ARFGEF2: variants seen among roughly 807,000 people sequenced by gnomAD.
ARFGEF2 encodes brefeldin A-inhibited guanine nucleotide-exchange protein 2.
In ARFGEF2, 74 loss-of-function variants were observed where a neutral mutation model predicts 219.9. The observed-to-expected ratio is 0.34, with a 90% CI of 0.28 to 0.41. ARFGEF2 has a LOEUF of 0.41. ARFGEF2 is among the 10% of genes least tolerant of loss of function. ARFGEF2 has a pLI of 1.00. For synonymous variants in ARFGEF2, 733 were observed against 799.2 expected (o/e 0.92, Z 1.40); for missense variants, 1,743 against 2,218.3 (o/e 0.79, Z 4.30).
chr20:49,023,524 TTTTTTTTTTTTTG>T (rs200669214), intron 35 of ARFGEF2, among the ~76,000 whole-genome samples: 54,270 of 107,686 alleles, frequency 0.5, 10,650 homozygotes, highest in African/African-American at 0.62. Context: ...TTTTTTCTGG[TTTTTTTTTTTTTG>T]TTTTTTTTTT....
chr20:49,005,691 T>C (rs989324965), intron 26 of ARFGEF2, among the ~76,000 whole-genome samples: 33 of 146,124 alleles, frequency 2.3e-4, no homozygotes, highest in African/African-American at 7.5e-4. Context: ...TGAGCCAAGA[T>C]TGCGCCACTG....
At position 48,988,263 on chromosome 20, in the gene ARFGEF2, G is replaced by A. The variant is rs373044990; in HGVS notation, c.2277-41G>A. ...CTGTTAGCATTGTACCTTCCAAACC[G>A]CATCACCATGAATATTGATGTCTCG... On this transcript the variant is annotated intron_variant, in intron 16 of 38. Coordinates refer to ENST00000371917, the MANE Select transcript of ARFGEF2 (RefSeq NM_006420.3). The A allele has an allele frequency of 7.1e-5, 101 of 1,432,422 alleles. No homozygotes were observed. In the South Asian group the frequency reaches 1.0e-3, roughly 14 times the overall value. The allele number at this position is 1,432,422 out of a possible 1,614,324, so 88.7% of individuals were successfully genotyped here.
intron 9 of ARFGEF2, among the ~76,000 whole-genome samples, chr20:48,970,081 A>G (rs6019565): frequency 0.32 from 48,551 of 151,812 alleles, 7,983 homozygotes; most frequent in East Asian, 0.48. Flanking sequence ...CTGGGAGGCC[A>G]AGGCGGGTGG....
At chr20:49,016,995 A>T (rs1275216958) in intron 31 of ARFGEF2, among the ~76,000 whole-genome samples, 3 of 152,240 alleles carry the variant, frequency 2.0e-5, no homozygotes, top group Non-Finnish European at 4.4e-5. Context: ...ACCATTTTTC[A>T]TACATGAGCC....
rs1253180015 is a variant in ARFGEF2 at position 48,935,860 on chromosome 20, G to A, written c.122-5339G>A. On this transcript the variant is annotated intron_variant, in intron 1 of 38. Transcript: ENST00000371917. ...TCCCTCCCGGACGGGGCGGCTGGCC[G>A]GGCAGAGGAGCTCCTTACTTCCCAG... is the stretch of plus-strand genomic sequence containing the variant. Among the ~76,000 whole-genome samples the A allele has an allele frequency of 4.5e-5, 6 of 132,418 alleles. No homozygotes were observed. In the South Asian group the frequency reaches 9.4e-4, roughly 21 times the overall value. The allele number at this position is 132,418 out of a possible 152,430, so 86.9% of individuals were successfully genotyped here.
chr20:48,935,105 C>CT (rs1482944654), intron 1 of ARFGEF2, among the ~76,000 whole-genome samples: 1 of 151,852 alleles, frequency 6.6e-6, no homozygotes, highest in Non-Finnish European at 1.5e-5. Context: ...CTCTTTTTTT[C>CT]TTTTTTTATT....
rs543559398 is a variant in ARFGEF2 at position 49,023,047 on chromosome 20, A to G, written c.4625-4A>G. 28 of 1,614,210 alleles carry G rather than the reference A, an allele frequency of 1.7e-5. No individual in the cohort carries two copies. The Admixed American group carries it at 3.0e-4, about 17-fold the overall frequency. On this transcript the variant is annotated splice_region_variant and splice_polypyrimidine_tract_variant and intron_variant, in intron 34 of 38. Coordinates refer to ENST00000371917, the MANE Select transcript of ARFGEF2 (RefSeq NM_006420.3). ...TTAGGGTTAATCTTTATCATCTAAC[A>G]TAGATCAGAAACTGTTTGCCAGCCT...
chr20:49,028,521 G>A lies in ARFGEF2; in HGVS notation c.4925-9G>A. 6.2e-7 allele frequency: 1 copy of A among 1,613,880 alleles called. No homozygotes were observed. Among genetic ancestry groups the A allele is most frequent in the Non-Finnish European group, 8.5e-7 (1 of 1,179,780 alleles). ...ATGTGCACTAATTATATGACTGTCT[G>A]ATCTCTAGGTTTTAAGGGCAAGTCT... On this transcript the variant is annotated splice_polypyrimidine_tract_variant and intron_variant, in intron 36 of 38. Coordinates refer to ENST00000371917, the MANE Select transcript of ARFGEF2 (RefSeq NM_006420.3).
chr20:48,990,445 T>TA (rs1340148922), intron 20 of ARFGEF2, among the ~76,000 whole-genome samples: 2 of 152,224 alleles, frequency 1.3e-5, no homozygotes, highest in East Asian at 1.9e-4. Context: ...CTGAAACTGT[T>TA]ACGAAATTAG....
At chr20:48,963,958 C>A in intron 7 of ARFGEF2, 60 bp downstream of exon 7, 1 of 1,530,564 alleles carries the variant, frequency 6.5e-7, no homozygotes, top group South Asian at 1.2e-5. Context: ...AAGTCCTCAG[C>A]AAAATATTTT....
rs2123564658 is a variant in ARFGEF2 at position 49,025,334 on chromosome 20, A to G, written c.4777A>G (p.Ile1593Val). 2 of 1,612,950 alleles carry G rather than the reference A, an allele frequency of 1.2e-6. No homozygotes were observed. The highest frequency in any genetic ancestry group is 1.7e-6 in the Non-Finnish European group (2 of 1,179,436). ...AAQQDTLDAD[I>V]HIETEDQGMY... ...CTAGCAAGACACGCTGGATGCAGAT[A>G]TCCACATAGAGACGGAGGATCAGGG... The change falls in exon 36 of 39, where the codon ATC becomes GTC. Residue 1593 changes from isoleucine (I) to valine (V), a missense_variant. Around this residue, in one of 5 missense-constraint regions of ARFGEF2, gnomAD observed 578 missense variants for 664.0 expected, o/e 0.87. Coordinates refer to ENST00000371917, the MANE Select transcript of ARFGEF2 (RefSeq NM_006420.3).
chr20:49,011,232 G>A (rs1272197987), intron 27 of ARFGEF2, among the ~76,000 whole-genome samples: 1 of 152,046 alleles, frequency 6.6e-6, no homozygotes, highest in African/African-American at 2.4e-5. Context: ...ATACAACAAG[G>A]TTATGTCTTG....
chr20:49,017,930 C>G (rs1035011401), intron 33 of ARFGEF2, among the ~76,000 whole-genome samples: 1 of 152,160 alleles, frequency 6.6e-6, no homozygotes, highest in African/African-American at 2.4e-5. Context: ...TTACTTCTCC[C>G]TTATCGGACT....
At chr20:48,936,960 T>C (rs1213954266) in intron 1 of ARFGEF2, among the ~76,000 whole-genome samples, 1 of 152,200 alleles carries the variant, frequency 6.6e-6, no homozygotes, top group African/African-American at 2.4e-5. Context: ...TTCTTCCCTC[T>C]TTTAATGGAA....
At chr20:48,941,154 A>G (rs1218932826) in intron 1 of ARFGEF2, 45 bp from the exon 2 acceptor site, 3 of 1,579,972 alleles carry the variant, frequency 1.9e-6, no homozygotes, top group Non-Finnish European at 2.6e-6. Flanking sequence ...TCCTTTACAT[A>G]AATGTTGCAT....
At chr20:49,012,246 G>A (rs753072414) in intron 28 of ARFGEF2, among the ~76,000 whole-genome samples, 162 bp downstream of exon 28, 4 of 152,110 alleles carry the variant, frequency 2.6e-5, no homozygotes, top group Non-Finnish European at 5.9e-5. Context: ...AGGGAGTTAG[G>A]CCTTTTCATT....
rs751901458 is a variant in ARFGEF2, at chr20:48,984,854, G to C, written c.2070+14G>C. 1.1e-5 allele frequency: 17 copies of C among 1,612,156 alleles called. No individual in the cohort carries two copies. Among genetic ancestry groups the C allele is most frequent in the Admixed American group, 6.7e-5 (4 of 60,002 alleles). On this transcript the variant is annotated intron_variant, in intron 15 of 38. Coordinates refer to ENST00000371917, the MANE Select transcript of ARFGEF2 (RefSeq NM_006420.3). ...CGCCTGGATTCCGTAAGGCTTGGGGGTGTAGCACTTGCATGTGAGTTCTGT... is the reference window on the plus strand; with the variant it reads ...CGCCTGGATTCCGTAAGGCTTGGGGCTGTAGCACTTGCATGTGAGTTCTGT...
At chr20:49,017,172 A>C (rs2091535629) in intron 31 of ARFGEF2, 77 bp from the exon 32 acceptor site, 1 of 1,470,196 alleles carries the variant, frequency 6.8e-7, no homozygotes, top group Non-Finnish European at 9.4e-7. Context: ...TCCAACTCAC[A>C]ATATACAGTA....
intron 25 of ARFGEF2, chr20:48,999,268 C>G (rs1011246957): frequency 1.5e-5 from 7 of 452,940 alleles, no homozygotes; most frequent in Non-Finnish European, 3.1e-5. Context: ...GTTTTTAAAT[C>G]AGTAACAAGC....
Sources: gnomAD v4.1 joint callset for allele counts (sites outside exome capture counted in the v4.1 genomes callset) on GRCh38, gnomAD v4.1.1 for gene constraint, gnomAD v4.1.1 regional missense constraint, MANE v1.5 for transcripts, NCBI Gene and HGNC (gene_info 2026-07-23, HGNC 2026-07-21) for gene names.